Variants in CASK observed in about 807,000 individuals in gnomAD.
CASK encodes calcium/calmodulin dependent serine protein kinase.
In CASK, 4 loss-of-function variants were observed where a neutral mutation model predicts 82.9. The ratio of observed to expected loss-of-function variants is 0.05; its 90% confidence interval spans 0.02 to 0.11. CASK has a LOEUF of 0.11. CASK is among the 10% of genes least tolerant of loss of function. The pLI, the probability that CASK is intolerant of heterozygous loss-of-function variation, is 1.00. For missense variants in CASK, 358 were observed against 720.9 expected, an observed-to-expected ratio of 0.50 and a Z score of 5.76; for synonymous variants, 259 against 253.5, an observed-to-expected ratio of 1.02 and a Z score of -0.20.
At position 41,542,714 on chromosome X, in the gene CASK, T is replaced by G; in HGVS notation, c.2132A>C (p.Lys711Thr). 8.3e-7 allele frequency: 1 copy of G among 1,206,517 alleles called. No homozygotes were observed. ...ACCTGCATTGTGCTTTGCCAAATAT[T>G]TATCTTTGTACTGCTTCTTTTTCTT... ...FGKKKKQYKD[K>T]YLAKHNAVFD... is the part of the protein sequence containing the mutation. The change falls in exon 22 of 27, where the codon AAA becomes ACA. Residue 711 changes from lysine to threonine, a missense_variant. Transcript: ENST00000378163.
intron 25 of CASK, among the ~76,000 whole-genome samples, chrX:41,527,735 T>G (rs1232043738): frequency 1.8e-5 from 2 of 112,337 alleles, no homozygotes; most frequent in Admixed American, 9.4e-5. Context: ...AAAGCAAAAC[T>G]ACAAATATTC....
intron 5 of CASK, among the ~76,000 whole-genome samples, chrX:41,714,144 G>A (rs770402875): frequency 9.0e-6 from 1 of 111,579 alleles, no homozygotes; most frequent in Admixed American, 9.5e-5. Context: ...GAGAAATTCT[G>A]GGACTGGGAC....
chrX:41,877,826 A>G (rs1275442766), intron 1 of CASK, among the ~76,000 whole-genome samples: 1 of 111,420 alleles, frequency 9.0e-6, no homozygotes, highest in African/African-American at 3.3e-5. Flanking sequence ...CATAATATCT[A>G]CGTAGGGTAA....
intron 8 of CASK, among the ~76,000 whole-genome samples, chrX:41,651,983 G>C (rs886089779): frequency 2.7e-4 from 30 of 111,176 alleles, no homozygotes; most frequent in Admixed American, 9.6e-5. Context: ...GGAGGGGAAG[G>C]GGGATAGGGA....
At position 41,606,334 on chromosome X, in the gene CASK, C is replaced by T. The variant is rs766458346; in HGVS notation, c.1155+3570G>A. The stretch of plus-strand genomic sequence containing the variant: ...AGGCTAGAGTGCAGTGGCACGATCT[C>T]GGCTCACTGCAATCTCCACCTCCTG... On this transcript the variant is annotated intron_variant, in intron 12 of 26. Coordinates refer to ENST00000378163, the MANE Select transcript of CASK (RefSeq NM_001367721.1). Among the ~76,000 whole-genome samples, 6 of 112,030 alleles carry T rather than the reference C, an allele frequency of 5.4e-5. No homozygotes were observed. The South Asian group carries it at 1.1e-3, about 21-fold the overall frequency.
chrX:41,653,923 A>G (rs2066898926), intron 8 of CASK, among the ~76,000 whole-genome samples: 1 of 112,183 alleles, frequency 8.9e-6, no homozygotes, highest in African/African-American at 3.2e-5. Context: ...CTGAGGGAAC[A>G]GTCAGCCTAG....
rs751748454 is a variant in CASK at position 41,560,595 on chromosome X, A to T, written c.1669-748T>A. Reference sequence around the variant, plus strand: ...TGCTTATTAATTTTGGCTTTTTTTTAAAAAAAAATTTTGGGCTGGGAGTGG... The same window carrying T: ...TGCTTATTAATTTTGGCTTTTTTTTTAAAAAAAATTTTGGGCTGGGAGTGG... On this transcript the variant is annotated intron_variant, in intron 17 of 26. Coordinates refer to ENST00000378163, the MANE Select transcript of CASK (RefSeq NM_001367721.1). Among the ~76,000 whole-genome samples the T allele has an allele frequency of 8.6e-4, 91 of 105,373 alleles. 1 individual carries two copies. The highest frequency in any genetic ancestry group is 2.3e-3 in the African/African-American group (66 of 29,060). The allele number at this position is 105,373 out of a possible 115,157, so 91.5% of individuals were successfully genotyped here. A position where few individuals can be genotyped will look rare whatever the true frequency, so the allele number is the denominator to read the frequency against.
At chrX:41,520,752 T>G (rs7065334) in intron 26 of CASK, among the ~76,000 whole-genome samples, 156 bp from the exon 27 acceptor site, 15 of 111,884 alleles carry the variant, frequency 1.3e-4, no homozygotes, top group African/African-American at 4.9e-4. Context: ...TATGCCAGCA[T>G]GAGGCCAAGT....
At chrX:41,873,743 T>C (rs781196152) in intron 1 of CASK, among the ~76,000 whole-genome samples, 1 of 110,224 alleles carries the variant, frequency 9.1e-6, no homozygotes, top group East Asian at 2.8e-4. Flanking sequence ...TTAATGAGAT[T>C]GTATTAGGTT....
chrX:41,709,349 G>C (rs1602501931), intron 5 of CASK, among the ~76,000 whole-genome samples: 1 of 111,937 alleles, frequency 8.9e-6, no homozygotes, highest in East Asian at 2.8e-4. Flanking sequence ...AGAGTTGGCA[G>C]GAGTTAATAA....
At chrX:41,811,515 A>T (rs1410261965) in intron 2 of CASK, among the ~76,000 whole-genome samples, 2 of 112,465 alleles carry the variant, frequency 1.8e-5, no homozygotes, top group African/African-American at 6.5e-5. Flanking sequence ...ATGAAGGCAG[A>T]AATAAAGATG....
chrX:41,894,030 A>G (rs1031215011), intron 1 of CASK, among the ~76,000 whole-genome samples: 18 of 112,051 alleles, frequency 1.6e-4, no homozygotes, highest in Admixed American at 1.5e-3. Context: ...CATACAGAAG[A>G]AAAAAAGCAG....
chrX:41,553,600 C>T (rs764263939), intron 21 of CASK, 119 bp downstream of exon 21: 156 of 539,793 alleles, frequency 2.9e-4, no homozygotes, highest in Middle Eastern at 4.1e-4. Flanking sequence ...TTGTTTGGCT[C>T]GTAAAGGAAG....
intron 3 of CASK, among the ~76,000 whole-genome samples, chrX:41,786,387 C>T (rs1043386908): frequency 6.6e-5 from 7 of 106,323 alleles, no homozygotes; most frequent in Non-Finnish European, 1.2e-4. Context: ...TCACTGATTA[C>T]AACCTTTTTT....
intron 1 of CASK, among the ~76,000 whole-genome samples, chrX:41,872,575 C>CA (rs1424803487): frequency 8.9e-6 from 1 of 111,852 alleles, no homozygotes; most frequent in Non-Finnish European, 1.9e-5. Flanking sequence ...TTTGGATTAT[C>CA]AAAAAAATTA....
chrX:41,535,732 C>G (rs916510343), intron 22 of CASK, among the ~76,000 whole-genome samples: 1 of 111,940 alleles, frequency 8.9e-6, no homozygotes, highest in African/African-American at 3.2e-5. Context: ...AGCTCAGAAA[C>G]CTTTGCAAAA....
chrX:41,805,888 A>C (rs1163203474), intron 2 of CASK, among the ~76,000 whole-genome samples: 1 of 111,585 alleles, frequency 9.0e-6, no homozygotes, highest in Non-Finnish European at 1.9e-5. Context: ...GAGCCAACAA[A>C]GAGATAGGAA....
At chrX:41,593,839 T>C (rs2147242528) in intron 12 of CASK, among the ~76,000 whole-genome samples, 1 of 112,581 alleles carries the variant, frequency 8.9e-6, no homozygotes, top group Non-Finnish European at 1.9e-5. Flanking sequence ...TTAAAAACAG[T>C]AGTTAGAAAC....
chrX:41,695,003 T>C (rs883522), intron 5 of CASK, among the ~76,000 whole-genome samples: 1,240 of 112,258 alleles, frequency 0.011, 22 homozygotes, highest in African/African-American at 0.038. Context: ...TGGCTGTACA[T>C]ACCTTTAGAG....
Sources: allele counts gnomAD v4.1 joint callset (sites outside exome capture counted in the v4.1 genomes callset), GRCh38; gene constraint gnomAD v4.1.1; transcripts MANE v1.5; gene names NCBI Gene and HGNC (gene_info 2026-07-23, HGNC 2026-07-21).